The following MAP4K2 variants were observed in gnomAD, a reference collection of about 807,000 sequenced individuals.
MAP4K2 encodes B lymphocyte serine/threonine protein kinase.
MAP4K2 carries 85 observed loss-of-function variants against 125.3 expected under a neutral mutation model. That is an observed-to-expected ratio of 0.68 (90% CI 0.57 to 0.81). MAP4K2 has a LOEUF of 0.81. Among genes scored for constraint, MAP4K2 ranks in the 40% least tolerant of loss-of-function variants. The pLI, the probability that MAP4K2 is intolerant of heterozygous loss-of-function variation, is 0.00. For missense variants in MAP4K2, 923 were observed against 1,056.4 expected, an observed-to-expected ratio of 0.87 and a Z score of 1.75; for synonymous variants, 479 against 445.1, an observed-to-expected ratio of 1.08 and a Z score of -0.96.
At chr11:64,793,190 C>T (rs890325207) in intron 24 of MAP4K2, among the ~76,000 whole-genome samples, 9 of 150,020 alleles carry the variant, frequency 6.0e-5, no homozygotes, top group African/African-American at 7.4e-5. Context: ...GACTCCAGCC[C>T]GGGCAATGAG....
chr11:64,799,564 C>T (rs1941032977), intron 13 of MAP4K2, 41 bp downstream of exon 13: 2 of 1,601,466 alleles, frequency 1.2e-6, no homozygotes, highest in Non-Finnish European at 8.5e-7. Flanking sequence ...CACACAGGCC[C>T]CCCAAAATCT....
intron 14 of MAP4K2, 87 bp from the exon 15 acceptor site, chr11:64,798,924 C>T (rs1471959610): frequency 4.0e-6 from 4 of 991,180 alleles, no homozygotes; most frequent in Non-Finnish European, 6.0e-6. Context: ...AAAGGAAAGA[C>T]AGACAGACAG....
chr11:64,803,151 G>C lies in MAP4K2; in HGVS notation c.-2C>G. On this transcript the variant is annotated 5_prime_UTR_variant, in exon 1 of 32. Coordinates refer to ENST00000294066, the MANE Select transcript of MAP4K2 (RefSeq NM_004579.5). ...CGACACATCCCGCAGCAGCGCCATG[G>C]CCCGGCGCCGGGCGGGCCGGCAGGC... 7.5e-7 allele frequency: 1 copy of C among 1,340,926 alleles called. No individual in the cohort carries two copies. Among genetic ancestry groups the C allele is most frequent in the Non-Finnish European group, 9.6e-7 (1 of 1,044,856 alleles). 83.1% of individuals were successfully genotyped at this position (1,340,926 alleles called of 1,614,324 possible). A position where few individuals can be genotyped will look rare whatever the true frequency, so the allele number is the denominator to read the frequency against.
Position 64,789,562 on chromosome 11 carries a change from A to T in MAP4K2, c.2438T>A (p.Leu813His). ...NPEAHSNLYI[L>H]TGHQSTY ...TTAGTAGGTGCTCTGGTGGCCCGTGAGGATGTAGAGGTTGCTGTGCGCCTC... is the reference window on the plus strand; with the variant it reads ...TTAGTAGGTGCTCTGGTGGCCCGTGTGGATGTAGAGGTTGCTGTGCGCCTC... Residue 813 changes from leucine (L) to histidine (H), a missense_variant, in exon 32 of 32, where the codon CTC becomes CAC. By Grantham distance (99) the Leu-to-His change is moderately conservative. Around this residue, in one of 2 missense-constraint regions of MAP4K2, gnomAD observed 90 missense variants for 144.9 expected, o/e 0.62. Transcript: ENST00000294066. The T allele has an allele frequency of 6.3e-7, 1 of 1,595,784 alleles. No homozygotes were observed. The highest frequency in any genetic ancestry group is 8.5e-7 in the Non-Finnish European group (1 of 1,170,902).
At chr11:64,802,156 C>G (rs373831430) in intron 4 of MAP4K2, 35 bp from the exon 5 acceptor site, 37 of 1,592,204 alleles carry the variant, frequency 2.3e-5, no homozygotes, top group Middle Eastern at 1.7e-4. Context: ...CTTGGGGGCC[C>G]GGGGGTCATG....
Position 64,802,438 on chromosome 11 carries a change from G to A in MAP4K2, c.291C>T (p.Ser97=), listed in dbSNP as rs1417665471. Residue 97 remains serine (S), a synonymous_variant, in exon 4 of 32, where the codon TCC becomes TCT. Transcript: ENST00000294066. ...WICMEFCGGG[S]LQEIYHATGP... ...CCTCACCATGGTAAATCTCCTGCAG[G>A]GAGCCCCCTCCGCAGAACTCCATGC... 2.7e-6 allele frequency: 4 copies of A among 1,499,734 alleles called. No homozygotes were observed. The highest frequency in any genetic ancestry group is 1.8e-4 in the Middle Eastern group (1 of 5,674). 92.9% of individuals were successfully genotyped at this position (1,499,734 alleles called of 1,614,324 possible). A position where few individuals can be genotyped will look rare whatever the true frequency, so the allele number is the denominator to read the frequency against.
chr11:64,801,022 G>T lies in MAP4K2; in HGVS notation c.540C>A (p.Pro180=), dbSNP rs140238196. The change falls in exon 9 of 32, where the codon CCC becomes CCA. Residue 180 remains proline, a synonymous_variant. Coordinates refer to ENST00000294066, the MANE Select transcript of MAP4K2 (RefSeq NM_004579.5). ...SFIGTPYWMA[P]EVAAVERKGG... is the part of the protein sequence containing the mutation. Reference sequence around the variant, plus strand: ...CTTTGCGCTCCACAGCAGCCACCTCGGGAGCCATCCTAGAGGTGGGGTCAC... The same window carrying T: ...CTTTGCGCTCCACAGCAGCCACCTCTGGAGCCATCCTAGAGGTGGGGTCAC... The T allele has an allele frequency of 6.2e-7, 1 of 1,613,878 alleles. No individual in the cohort carries two copies. Among genetic ancestry groups the T allele is most frequent in the African/African-American group, 1.3e-5 (1 of 75,034 alleles).
intron 3 of MAP4K2, 26 bp downstream of exon 3, chr11:64,802,537 G>A (rs1384474388): frequency 1.8e-5 from 29 of 1,586,620 alleles, no homozygotes; most frequent in Non-Finnish European, 2.5e-5. Flanking sequence ...GGGCTGCCTG[G>A]GGCCAGGAGG....
At chr11:64,802,820 C>T (rs1034872449) in intron 2 of MAP4K2, 65 bp downstream of exon 2, 3 of 1,542,668 alleles carry the variant, frequency 1.9e-6, no homozygotes, top group Non-Finnish European at 2.6e-6. Flanking sequence ...AACCCTCCGC[C>T]CGCACCCCGC....
rs760794714 is a variant in MAP4K2 at position 64,797,711 on chromosome 11, T to TTC, written c.1098-48_1098-47insGA. 148 of 1,442,256 alleles carry TTC rather than the reference T, an allele frequency of 1.0e-4. No homozygotes were observed. In the African/African-American group the frequency reaches 2.2e-3, roughly 21 times the overall value. The allele number at this position is 1,442,256 out of a possible 1,614,324, so 89.3% of individuals were successfully genotyped here. ...TCAGAGGTCAACCTTTCCTTTTTTT[T>TTC]TTTTTTTTTTTTGAGACGGAGTCTC... On this transcript the variant is annotated intron_variant, in intron 15 of 31. Transcript: ENST00000294066.
At chr11:64,800,742 G>A (rs374753011) in intron 10 of MAP4K2, 22 bp downstream of exon 10, 61 of 1,587,944 alleles carry the variant, frequency 3.8e-5, no homozygotes, top group African/African-American at 1.6e-4. Flanking sequence ...AGGGGGTCCC[G>A]GCAGCAGGGT....
chr11:64,800,634 A>T, intron 10 of MAP4K2, 130 bp downstream of exon 10: 1 of 1,302,760 alleles, frequency 7.7e-7, no homozygotes, highest in East Asian at 2.5e-5. Context: ...CAGGCCCCTG[A>T]CTCAGATGGT....
intron 24 of MAP4K2, among the ~76,000 whole-genome samples, chr11:64,795,776 C>T (rs1363702181): frequency 6.6e-6 from 1 of 152,178 alleles, no homozygotes; most frequent in East Asian, 1.9e-4. Context: ...TCACACAATC[C>T]TTCTGCCTCG....
chr11:64,800,633 G>T, intron 10 of MAP4K2, 131 bp downstream of exon 10: 1 of 1,299,224 alleles, frequency 7.7e-7, no homozygotes, highest in Non-Finnish European at 1.1e-6. Context: ...CCAGGCCCCT[G>T]ACTCAGATGG....
Position 64,800,405 on chromosome 11 carries a change from A to G in MAP4K2, c.726-13T>C. 6.2e-7 allele frequency: 1 copy of G among 1,613,574 alleles called. No homozygotes were observed. The highest frequency in any genetic ancestry group is 8.5e-7 in the Non-Finnish European group (1 of 1,179,770). ...GAAATTCTGGGTCCTAGAAGGCACAAGAGCCCCCCAGCGCCAGATCCAGGT... is the reference window on the plus strand; with the variant it reads ...GAAATTCTGGGTCCTAGAAGGCACAGGAGCCCCCCAGCGCCAGATCCAGGT... On this transcript the variant is annotated splice_polypyrimidine_tract_variant and intron_variant, in intron 10 of 31. Transcript: ENST00000294066.
intron 15 of MAP4K2, among the ~76,000 whole-genome samples, chr11:64,798,065 A>G (rs1940937957): frequency 6.6e-6 from 1 of 150,502 alleles, no homozygotes; most frequent in South Asian, 2.1e-4. Context: ...CAATGGCAAG[A>G]TATCGGCTCA....
chr11:64,799,999 C>A (rs1320866828), intron 12 of MAP4K2, 110 bp downstream of exon 12: 14 of 946,320 alleles, frequency 1.5e-5, no homozygotes, highest in Middle Eastern at 3.2e-4. Flanking sequence ...CAGCTGAGGC[C>A]AGCTCCCTGA....
At chr11:64,790,505 TC>T in intron 27 of MAP4K2, 43 bp from the exon 28 acceptor site, 1 of 1,581,648 alleles carries the variant, frequency 6.3e-7, no homozygotes, top group East Asian at 2.2e-5. Context: ...GAGCCACCAG[TC>T]CCCCAACCCC....
In MAP4K2 at chr11:64,802,967, G is replaced by T. The variant is rs556781886; in HGVS notation, c.97-25C>A. 15 of 1,554,234 alleles carry T rather than the reference G, an allele frequency of 9.7e-6. No homozygotes were observed. The East Asian group carries it at 2.6e-4, about 27-fold the overall frequency. ...CCTGCAGGGGCGGAGGGTGAAGCGGGATGGGGGGCGGGGCCGGGGGCTAGA... is the reference window on the plus strand; with the variant it reads ...CCTGCAGGGGCGGAGGGTGAAGCGGTATGGGGGGCGGGGCCGGGGGCTAGA... On this transcript the variant is annotated intron_variant, in intron 1 of 31. Coordinates refer to ENST00000294066, the MANE Select transcript of MAP4K2 (RefSeq NM_004579.5).
Sources: allele counts gnomAD v4.1 joint callset (sites outside exome capture counted in the v4.1 genomes callset), GRCh38; gene constraint gnomAD v4.1.1; regional missense constraint gnomAD v4.1.1; transcripts MANE v1.5; gene names NCBI Gene and HGNC (gene_info 2026-07-23, HGNC 2026-07-21).